The following PCBP3 variants were observed in gnomAD, a reference collection of about 807,000 sequenced individuals.
PCBP3 encodes the protein poly(rC) binding protein 3, also known as poly(rC)-binding protein 3.
In PCBP3, 25 loss-of-function variants were observed where a neutral mutation model predicts 52.7. The ratio of observed to expected loss-of-function variants is 0.47; its 90% confidence interval spans 0.35 to 0.66. PCBP3 has a LOEUF of 0.66. Among genes scored for constraint, PCBP3 ranks in the 30% least tolerant of loss-of-function variants. The probability of loss-of-function intolerance (pLI) is 0.01; values close to 1 mark genes in which losing one functional copy is unlikely to be tolerated. For synonymous variants in PCBP3, 162 were observed against 183.0 expected (o/e 0.89, Z 0.93); for missense variants, 391 against 490.3 (o/e 0.80, Z 1.91).
intron 4 of PCBP3, among the ~76,000 whole-genome samples, chr21:45,813,797 A>G (rs933328863): frequency 1.3e-5 from 2 of 152,228 alleles, no homozygotes; most frequent in Non-Finnish European, 2.9e-5. Context: ...TACCTGCCCA[A>G]TAACCCCAAT....
intron 2 of PCBP3, among the ~76,000 whole-genome samples, chr21:45,689,134 AC>A (rs1420754271): frequency 6.6e-6 from 1 of 152,074 alleles, no homozygotes; most frequent in Non-Finnish European, 1.5e-5. Flanking sequence ...AAGATAAAAA[AC>A]ACCAGAAAAT....
intron 4 of PCBP3, among the ~76,000 whole-genome samples, chr21:45,767,618 C>T (rs2089470177): frequency 6.6e-6 from 1 of 152,218 alleles, no homozygotes; most frequent in South Asian, 2.1e-4. Context: ...ACAGCAGCCG[C>T]ACTGCACTGT....
At chr21:45,702,509 A>T (rs1025244202) in intron 2 of PCBP3, among the ~76,000 whole-genome samples, 19 of 152,240 alleles carry the variant, frequency 1.2e-4, no homozygotes, top group African/African-American at 4.6e-4. Flanking sequence ...AACAAAAGTT[A>T]TGTTTACACT....
At chr21:45,907,859 G>A (rs963416254) in intron 9 of PCBP3, among the ~76,000 whole-genome samples, 2 of 151,652 alleles carry the variant, frequency 1.3e-5, no homozygotes, top group African/African-American at 4.9e-5. Context: ...GGACGGGGCG[G>A]GGGGAGTGCT....
intron 4 of PCBP3, among the ~76,000 whole-genome samples, chr21:45,844,815 A>G (rs1021668385): frequency 1.3e-5 from 2 of 150,206 alleles, no homozygotes; most frequent in Non-Finnish European, 3.0e-5. Flanking sequence ...ATACATATAT[A>G]TAAAGTTATA....
chr21:45,894,694 C>T (rs1040418037), intron 5 of PCBP3, among the ~76,000 whole-genome samples: 7 of 152,248 alleles, frequency 4.6e-5, no homozygotes, highest in African/African-American at 1.2e-4. Flanking sequence ...GCCGCCCACA[C>T]GAGGCTGTTT....
At chr21:45,922,954 C>T (rs1331063701) in intron 13 of PCBP3, among the ~76,000 whole-genome samples, 6 of 145,178 alleles carry the variant, frequency 4.1e-5, no homozygotes, top group African/African-American at 8.0e-5. Context: ...GTGAAAGAGT[C>T]GTGGGGAAAT....
rs566837851 is a variant in PCBP3 at position 45,887,786 on chromosome 21, A to T, written c.11-8422A>T. On this transcript the variant is annotated intron_variant, in intron 5 of 17. Transcript: ENST00000681687. Reference sequence around the variant, plus strand: ...GGTGCATCCTGCCAGGTCGCCCTTTATAGAGGCTGCAACTACTACGCACTC... The same window carrying T: ...GGTGCATCCTGCCAGGTCGCCCTTTTTAGAGGCTGCAACTACTACGCACTC... Among the ~76,000 whole-genome samples the T allele has an allele frequency of 1.8e-4, 27 of 152,346 alleles. No homozygotes were observed. The East Asian group carries it at 5.0e-3, about 28-fold the overall frequency.
intron 4 of PCBP3, among the ~76,000 whole-genome samples, chr21:45,836,914 G>A (rs994823655): frequency 6.6e-6 from 1 of 152,130 alleles, no homozygotes; most frequent in Non-Finnish European, 1.5e-5. Context: ...TAGTGTTCCA[G>A]TGTGTGAATA....
chr21:45,651,536 T>C (rs2079684473), intron 1 of PCBP3, among the ~76,000 whole-genome samples: 1 of 152,206 alleles, frequency 6.6e-6, no homozygotes, highest in African/African-American at 2.4e-5. Flanking sequence ...TTTTACTAGA[T>C]CATGAGCATT....
intron 4 of PCBP3, among the ~76,000 whole-genome samples, chr21:45,820,194 G>T (rs2093089045): frequency 6.6e-6 from 1 of 152,242 alleles, no homozygotes; most frequent in Non-Finnish European, 1.5e-5. Context: ...CCTTCTCCCG[G>T]CTGTCAGGTG....
chr21:45,929,787 C>G (rs1381149963), intron 13 of PCBP3, 130 bp from the exon 14 acceptor site: 1 of 712,054 alleles, frequency 1.4e-6, no homozygotes, highest in Non-Finnish European at 2.5e-6. Context: ...CGTTCTCTTG[C>G]ATCTGCCATG....
At chr21:45,718,023 A>C (rs2084344074) in intron 2 of PCBP3, among the ~76,000 whole-genome samples, 1 of 152,150 alleles carries the variant, frequency 6.6e-6, no homozygotes, top group Non-Finnish European at 1.5e-5. Context: ...AGGTTTGTTC[A>C]GATTTCTCTT....
intron 1 of PCBP3, among the ~76,000 whole-genome samples, chr21:45,658,348 G>C (rs1402023527): frequency 6.6e-6 from 1 of 152,154 alleles, no homozygotes; most frequent in Non-Finnish European, 1.5e-5. Flanking sequence ...TTGTCACCCA[G>C]GCTGGAGTGC....
Position 45,724,570 on chromosome 21 carries a change from C to T in PCBP3, c.-199-10822C>T, listed in dbSNP as rs142019141. The stretch of plus-strand genomic sequence containing the variant: ...TGGCGGGCCAGGCTGCTCTGTAACA[C>T]GAACATTAAAACTGATTTGAGGTGT... On this transcript the variant is annotated intron_variant, in intron 2 of 17. Transcript: ENST00000681687. This position sits in a 1 kb window ranked among gnomAD's most constrained non-coding sequence, Gnocchi z 5.3. Among the ~76,000 whole-genome samples the T allele has an allele frequency of 5.5e-3, 844 of 152,256 alleles. 6 individuals are homozygous for T. The highest frequency in any genetic ancestry group is 0.054 in the Middle Eastern group (16 of 294).
chr21:45,736,127 G>A lies in PCBP3; in HGVS notation c.-162+698G>A, dbSNP rs962698594. On this transcript the variant is annotated intron_variant, in intron 3 of 17. Coordinates refer to ENST00000681687, the MANE Select transcript of PCBP3 (RefSeq NM_001384156.1). The surrounding 1 kb of genome is among the most constrained non-coding windows in gnomAD (Gnocchi z 4.6). Reference sequence around the variant, plus strand: ...TTGCAGTTCTGCATGGAAAACTAATGGAGTCATGATGGCTGCTGATGCTGA... The same window carrying A: ...TTGCAGTTCTGCATGGAAAACTAATAGAGTCATGATGGCTGCTGATGCTGA... Among the ~76,000 whole-genome samples, 1 of 152,228 alleles carries A rather than the reference G, an allele frequency of 6.6e-6. No individual in the cohort carries two copies. Among genetic ancestry groups the A allele is most frequent in the Non-Finnish European group, 1.5e-5 (1 of 68,044 alleles).
chr21:45,849,045 A>T (rs528946983), intron 4 of PCBP3, among the ~76,000 whole-genome samples: 2 of 152,168 alleles, frequency 1.3e-5, no homozygotes, highest in Non-Finnish European at 2.9e-5. Flanking sequence ...GCAAAAATGT[A>T]GGTTCTTTTT....
At chr21:45,933,437 A>G (rs1024173847) in intron 15 of PCBP3, among the ~76,000 whole-genome samples, 1 of 152,232 alleles carries the variant, frequency 6.6e-6, no homozygotes, top group African/African-American at 2.4e-5. Flanking sequence ...CCCTTCAATC[A>G]AAATATCCCA....
chr21:45,825,349 C>T (rs547244968), intron 4 of PCBP3, among the ~76,000 whole-genome samples: 5 of 152,258 alleles, frequency 3.3e-5, no homozygotes, highest in Admixed American at 2.0e-4. Context: ...GGCCCTCCTC[C>T]CTGATCGTCA....
Sources: gnomAD v4.1 joint callset for allele counts (sites outside exome capture counted in the v4.1 genomes callset) on GRCh38, gnomAD v4.1.1 for gene constraint, Gnocchi (gnomAD v3.1) non-coding constraint, MANE v1.5 for transcripts, NCBI Gene and HGNC (gene_info 2026-07-23, HGNC 2026-07-21) for gene names.